Variants in KCNQ3 observed in about 807,000 individuals in gnomAD.
KCNQ3 encodes potassium voltage-gated channel subfamily Q member 3.
KCNQ3 carries 30 observed loss-of-function variants against 92.5 expected under a neutral mutation model. The observed-to-expected ratio is 0.32, with a 90% CI of 0.24 to 0.44. The LOEUF (loss-of-function observed/expected upper bound fraction) is 0.44, where lower values mean the gene tolerates loss of function less well. KCNQ3 is among the 20% of genes least tolerant of loss of function. KCNQ3 has a pLI of 1.00. For synonymous variants in KCNQ3, 450 were observed against 468.8 expected (o/e 0.96, Z 0.52); for missense variants, 913 against 1,140.3 (o/e 0.80, Z 2.87).
At chr8:132,371,786 A>C (rs891943567) in intron 1 of KCNQ3, among the ~76,000 whole-genome samples, 2 of 152,196 alleles carry the variant, frequency 1.3e-5, no homozygotes, top group African/African-American at 4.8e-5. Context: ...CTCCAACATG[A>C]ACAGTCAATA....
chr8:132,278,401 T>C lies in KCNQ3; in HGVS notation c.387-92220A>G, dbSNP rs550528809. ...CATCTACCAGTGCTGCGTCGACACA[T>C]GCTTCCTGGTATTCCTGTCTGAAAG... On this transcript the variant is annotated intron_variant, in intron 1 of 14. Transcript: ENST00000388996. 2.0e-5 allele frequency among the ~76,000 whole-genome samples: 3 copies of C among 152,318 alleles called. No homozygotes were observed. In the East Asian group the frequency reaches 5.8e-4, roughly 29 times the overall value.
chr8:132,355,977 A>G (rs1819008734), intron 1 of KCNQ3, among the ~76,000 whole-genome samples: 1 of 152,216 alleles, frequency 6.6e-6, no homozygotes, highest in Non-Finnish European at 1.5e-5. Flanking sequence ...GAAGTCAGGT[A>G]AACATGGCTT....
At chr8:132,373,379 C>T (rs531903289) in intron 1 of KCNQ3, among the ~76,000 whole-genome samples, 19 of 152,252 alleles carry the variant, frequency 1.2e-4, no homozygotes, top group African/African-American at 2.4e-4. Flanking sequence ...GGCCTTAAAA[C>T]GCTACCAGAT....
rs751304048 is a variant in KCNQ3, at chr8:132,129,588, C to A, written c.2293G>T (p.Asp765Tyr). 6.2e-7 allele frequency: 1 copy of A among 1,614,176 alleles called. No homozygotes were observed. Among genetic ancestry groups the A allele is most frequent in the Non-Finnish European group, 8.5e-7 (1 of 1,180,032 alleles). Residue 765 changes from aspartate to tyrosine, a missense_variant, in exon 15 of 15, where the codon GAC becomes TAC. Physicochemically the swap from Asp to Tyr is radical, Grantham distance 160 (BLOSUM62 -3). Around this residue, in one of 6 missense-constraint regions of KCNQ3, gnomAD observed 375 missense variants for 376.4 expected, o/e 1.00. Transcript: ENST00000388996. The surrounding 1 kb of genome is among the most constrained non-coding windows in gnomAD (Gnocchi z 5.9). ...DSRVSCHSQA[D>Y]LQGPYSDRIS... is the part of the protein sequence containing the mutation. Reference sequence around the variant, plus strand: ...CGGTCCGAGTAGGGGCCCTGCAGGTCAGCCTGGGAGTGGCAGCTCACTCGG... The same window carrying A: ...CGGTCCGAGTAGGGGCCCTGCAGGTAAGCCTGGGAGTGGCAGCTCACTCGG...
chr8:132,254,543 A>G (rs1815517314), intron 1 of KCNQ3, among the ~76,000 whole-genome samples: 1 of 152,036 alleles, frequency 6.6e-6, no homozygotes, highest in African/African-American at 2.4e-5. Context: ...GTAAAAGACT[A>G]TATTATTTCT....
chr8:132,255,873 A>T (rs561792207), intron 1 of KCNQ3, among the ~76,000 whole-genome samples: 39 of 152,334 alleles, frequency 2.6e-4, no homozygotes, highest in African/African-American at 8.9e-4. Flanking sequence ...ACCCTGGGGG[A>T]TCTAATTTCT....
At chr8:132,410,379 C>T (rs1035132713) in intron 1 of KCNQ3, among the ~76,000 whole-genome samples, 8 of 152,088 alleles carry the variant, frequency 5.3e-5, no homozygotes, top group African/African-American at 1.9e-4. Flanking sequence ...CAAGATAATC[C>T]CTGAGCTTCT....
At chr8:132,290,593 A>G (rs1816810262) in intron 1 of KCNQ3, among the ~76,000 whole-genome samples, 1 of 152,150 alleles carries the variant, frequency 6.6e-6, no homozygotes, top group Admixed American at 6.5e-5. Flanking sequence ...GGAGATGGAG[A>G]AGTAAAGACA....
intron 1 of KCNQ3, among the ~76,000 whole-genome samples, chr8:132,317,173 G>A (rs185898580): frequency 6.6e-6 from 1 of 152,268 alleles, no homozygotes; most frequent in East Asian, 1.9e-4. Flanking sequence ...CTGACCTATT[G>A]TAACTGTTTA....
At chr8:132,213,748 G>A (rs1052925491) in intron 1 of KCNQ3, among the ~76,000 whole-genome samples, 11 of 152,122 alleles carry the variant, frequency 7.2e-5, no homozygotes, top group African/African-American at 2.4e-4. Flanking sequence ...GAAAACCATC[G>A]CAGTCACAGT....
chr8:132,258,826 C>A (rs538659064), intron 1 of KCNQ3, among the ~76,000 whole-genome samples: 4 of 151,996 alleles, frequency 2.6e-5, no homozygotes, highest in African/African-American at 9.6e-5. Context: ...GAGAACATTA[C>A]TAGTGGTCTT....
intron 1 of KCNQ3, among the ~76,000 whole-genome samples, chr8:132,466,859 G>C (rs1426460017): frequency 6.6e-6 from 1 of 152,152 alleles, no homozygotes; most frequent in Non-Finnish European, 1.5e-5. Context: ...TCATGGGTGA[G>C]GGCAATTGGG....
At chr8:132,320,541 T>C (rs1817866927) in intron 1 of KCNQ3, among the ~76,000 whole-genome samples, 1 of 152,122 alleles carries the variant, frequency 6.6e-6, no homozygotes, top group Non-Finnish European at 1.5e-5. Context: ...TCTGAAATGT[T>C]CCCAAATTCT....
intron 12 of KCNQ3, among the ~76,000 whole-genome samples, chr8:132,136,027 G>C (rs1825070772): frequency 6.9e-6 from 1 of 144,146 alleles, no homozygotes; most frequent in Non-Finnish European, 1.5e-5. Flanking sequence ...GTTGAGGCAG[G>C]AGAATCACTT....
At chr8:132,262,787 T>C (rs1815832268) in intron 1 of KCNQ3, among the ~76,000 whole-genome samples, 1 of 152,164 alleles carries the variant, frequency 6.6e-6, no homozygotes, top group East Asian at 1.9e-4. Flanking sequence ...AAGAAACATC[T>C]GTCTGCTTTG....
chr8:132,286,170 AG>A (rs1816675148), intron 1 of KCNQ3, among the ~76,000 whole-genome samples: 1 of 152,158 alleles, frequency 6.6e-6, no homozygotes, highest in Non-Finnish European at 1.5e-5. Context: ...GGCCACTGTC[AG>A]GGCCCCAGAA....
chr8:132,286,877 G>T (rs1816693598), intron 1 of KCNQ3, among the ~76,000 whole-genome samples: 1 of 152,186 alleles, frequency 6.6e-6, no homozygotes, highest in African/African-American at 2.4e-5. Context: ...ATGAGAGTGG[G>T]TTGTTATGAG....
intron 1 of KCNQ3, among the ~76,000 whole-genome samples, chr8:132,394,143 G>A (rs1820127591): frequency 6.6e-6 from 1 of 152,228 alleles, no homozygotes; most frequent in Admixed American, 6.5e-5. Flanking sequence ...GGAAGGGCAA[G>A]AAGCGCAAGT....
At chr8:132,435,689 A>G (rs1821375595) in intron 1 of KCNQ3, among the ~76,000 whole-genome samples, 1 of 151,968 alleles carries the variant, frequency 6.6e-6, no homozygotes, top group Admixed American at 6.6e-5. Context: ...CTTCTTTTCC[A>G]AATTAAAATT....
Sources: gnomAD v4.1 joint callset for allele counts (sites outside exome capture counted in the v4.1 genomes callset) on GRCh38, gnomAD v4.1.1 for gene constraint, gnomAD v4.1.1 regional missense constraint, Gnocchi (gnomAD v3.1) non-coding constraint, MANE v1.5 for transcripts, NCBI Gene and HGNC (gene_info 2026-07-23, HGNC 2026-07-21) for gene names.